Variants in CENPE observed in about 807,000 individuals in gnomAD.
The protein encoded by CENPE is centromere-associated protein E.
Under a neutral mutation model 336.1 loss-of-function variants are expected in CENPE, and 145 were observed. The observed-to-expected ratio is 0.43, with a 90% CI of 0.38 to 0.50. CENPE has a LOEUF of 0.50. CENPE is among the 20% of genes least tolerant of loss of function. The pLI is 0.00. For synonymous variants in CENPE, 1,013 were observed against 984.8 expected (o/e 1.03, Z -0.54); for missense variants, 2,719 against 3,023.3 (o/e 0.90, Z 2.36).
At chr4:103,108,685 CATT>C in intron 48 of CENPE, 115 bp downstream of exon 48, 1 of 937,370 alleles carries the variant, frequency 1.1e-6, no homozygotes, top group Non-Finnish European at 1.6e-6. Context: ...TGAAGCCTGT[CATT>C]GTAGCTTACT....
chr4:103,183,369 A>C (rs1756483625), intron 9 of CENPE, 81 bp from the exon 10 acceptor site: 2 of 1,076,000 alleles, frequency 1.9e-6, no homozygotes, highest in Admixed American at 4.0e-5. Context: ...AGTTAATGAG[A>C]GAAATTAGAG....
intron 38 of CENPE, 101 bp from the exon 39 acceptor site, chr4:103,138,550 G>A (rs1752271264): frequency 1.3e-6 from 1 of 766,106 alleles, no homozygotes; most frequent in Admixed American, 2.2e-5. Context: ...TTCAATAATG[G>A]AATTAAATAT....
chr4:103,114,676 G>A (rs1361992044), intron 45 of CENPE, 124 bp from the exon 46 acceptor site: 1 of 643,810 alleles, frequency 1.6e-6, no homozygotes, highest in Non-Finnish European at 2.7e-6. Context: ...AGTGGCAGTA[G>A]ATAAGCCCTC....
At chr4:103,121,930 T>G (rs1182219752) in intron 43 of CENPE, among the ~76,000 whole-genome samples, 2 of 152,120 alleles carry the variant, frequency 1.3e-5, no homozygotes, top group Non-Finnish European at 2.9e-5. Flanking sequence ...TCATACTTAA[T>G]TGGGTATATT....
In CENPE at chr4:103,116,638, T is replaced by G. The variant is rs745655266; in HGVS notation, c.7381A>C (p.Lys2461Gln). Residue 2461 changes from lysine (K) to glutamine (Q), a missense_variant, in exon 45 of 49, where the codon AAA becomes CAA. Lys to Gln is a moderately conservative substitution (Grantham distance 53). Transcript: ENST00000265148. The part of the protein sequence containing the change: ...KPYKEEIEDL[K>Q]MKLVKIDLEK... ...AGGTCTATTTTCACAAGCTTCATTT[T>G]GAGATCTTCAATTTCTTCTTTATAT... The G allele has an allele frequency of 1.1e-5, 18 of 1,596,416 alleles. No homozygotes were observed. In the Admixed American group the frequency reaches 3.0e-4, roughly 27 times the overall value.
At chr4:103,158,276 ACT>A in intron 24 of CENPE, 22 bp downstream of exon 24, 1 of 1,564,744 alleles carries the variant, frequency 6.4e-7, no homozygotes, top group Non-Finnish European at 8.6e-7. Context: ...GCATATGAAA[ACT>A]CTGAAAATAA....
Position 103,143,303 on chromosome 4 carries a change from T to A in CENPE, c.5249A>T (p.Glu1750Val), listed in dbSNP as rs546621597. Residue 1750 changes from glutamate to valine, a missense_variant, in exon 34 of 49, where the codon GAA becomes GTA. This residue lies in a region of CENPE where 2,437 missense variants were observed against 2,513.3 expected (regional missense o/e 0.97). Coordinates refer to ENST00000265148, the MANE Select transcript of CENPE (RefSeq NM_001813.3). ...TAAGTCCTTTTGCATATTTGATATT[T>A]CATTTGTTTTCTCTGAAACAATCCC... The part of the protein sequence containing the change: ...LRGIVSEKTN[E>V]ISNMQKDLEH... 6.2e-7 allele frequency: 1 copy of A among 1,607,600 alleles called. No homozygotes were observed. Among genetic ancestry groups the A allele is most frequent in the East Asian group, 2.2e-5 (1 of 44,768 alleles).
At chr4:103,136,397 C>G (rs781686343) in intron 39 of CENPE, 38 bp from the exon 40 acceptor site, 1 of 1,385,544 alleles carries the variant, frequency 7.2e-7, no homozygotes, top group Non-Finnish European at 1.0e-6. Flanking sequence ...TATAACAATT[C>G]ATTCTAATAT....
intron 45 of CENPE, among the ~76,000 whole-genome samples, chr4:103,115,631 A>G (rs959809371): frequency 6.6e-6 from 1 of 152,226 alleles, no homozygotes; most frequent in Non-Finnish European, 1.5e-5. Context: ...GAAGCATCCT[A>G]ACAAATCCTC....
chr4:103,122,854 T>C lies in CENPE; in HGVS notation c.7143+17A>G. The C allele has an allele frequency of 6.3e-7, 1 of 1,578,692 alleles. No homozygotes were observed. The highest frequency in any genetic ancestry group is 8.7e-7 in the Non-Finnish European group (1 of 1,149,458). ...TGAAGCTGCAAACTGAAGAACATTT[T>C]ATAAGAAATTATATACCTCTGTGGT... On this transcript the variant is annotated intron_variant, in intron 43 of 48. Transcript: ENST00000265148.
intron 13 of CENPE, among the ~76,000 whole-genome samples, chr4:103,180,106 A>G (rs1278603779): frequency 6.6e-6 from 1 of 152,154 alleles, no homozygotes; most frequent in Non-Finnish European, 1.5e-5. Context: ...TACATTCCAA[A>G]CTTGTTGAAT....
intron 40 of CENPE, 59 bp from the exon 41 acceptor site, chr4:103,133,951 T>C: frequency 3.7e-6 from 4 of 1,071,094 alleles, no homozygotes; most frequent in Non-Finnish European, 5.6e-6. Flanking sequence ...GTAGAGAAAG[T>C]TTTCATCCTT....
intron 24 of CENPE, among the ~76,000 whole-genome samples, chr4:103,154,642 T>C (rs1412548318): frequency 6.6e-6 from 1 of 152,116 alleles, no homozygotes; most frequent in Non-Finnish European, 1.5e-5. Flanking sequence ...TGAGACAAAA[T>C]TTTCTGTAAT....
intron 36 of CENPE, 139 bp downstream of exon 36, chr4:103,140,675 A>G (rs1752473230): frequency 5.8e-6 from 4 of 689,694 alleles, no homozygotes; most frequent in Admixed American, 7.0e-5. Context: ...GTTTTCCATT[A>G]TACAGATAGT....
intron 18 of CENPE, among the ~76,000 whole-genome samples, chr4:103,162,101 G>A (rs1754497308): frequency 6.6e-6 from 1 of 151,858 alleles, no homozygotes; most frequent in Non-Finnish European, 1.5e-5. Flanking sequence ...TGCTTGCCAC[G>A]CTATGAACAG....
chr4:103,162,774 G>A (rs1013691789), intron 18 of CENPE, among the ~76,000 whole-genome samples: 2 of 151,972 alleles, frequency 1.3e-5, no homozygotes, highest in African/African-American at 2.4e-5. Flanking sequence ...GCCCAGGCTG[G>A]TCTTGAACTC....
Position 103,190,464 on chromosome 4 carries a change from AAC to A in CENPE, c.693+3763_693+3764del, listed in dbSNP as rs555541167. On this transcript the variant is annotated intron_variant, in intron 8 of 48. Transcript: ENST00000265148. ...ACAGAGATATAGACCAATGGAAAGG[AAC>A]AGAGCCCTCAGAAATAATGCCACAT... Among the ~76,000 whole-genome samples, 135 of 152,312 alleles carry A rather than the reference AAC, an allele frequency of 8.9e-4. 1 individual carries two copies. The highest frequency in any genetic ancestry group is 3.1e-3 in the African/African-American group (129 of 41,566).
chr4:103,152,707 C>A (rs7684528), intron 25 of CENPE, among the ~76,000 whole-genome samples: 2 of 152,090 alleles, frequency 1.3e-5, no homozygotes, highest in African/African-American at 4.8e-5. Flanking sequence ...TGTAGAAAGT[C>A]AAACATAAGA....
Position 103,132,752 on chromosome 4 carries a change from T to G in CENPE, c.6865A>C (p.Ile2289Leu), listed in dbSNP as rs1423345331. 5 of 1,574,176 alleles carry G rather than the reference T, an allele frequency of 3.2e-6. No individual in the cohort carries two copies. In the African/African-American group the frequency reaches 6.8e-5, roughly 21 times the overall value. The stretch of plus-strand genomic sequence containing the variant: ...CAAATCCTATCATTTTCTTTCTGGA[T>G]GCCATTTTTAAGCTTTTCTATATCA... The part of the protein sequence containing the change: ...RFDIEKLKNG[I>L]QKENDRICQV... The change falls in exon 42 of 49, where the codon ATC (isoleucine) becomes CTC (leucine). Residue 2289 changes from isoleucine to leucine, a missense_variant. Ile to Leu is a conservative substitution (Grantham distance 5). Coordinates refer to ENST00000265148, the MANE Select transcript of CENPE (RefSeq NM_001813.3).
Sources: allele counts gnomAD v4.1 joint callset (sites outside exome capture counted in the v4.1 genomes callset), GRCh38; gene constraint gnomAD v4.1.1; regional missense constraint gnomAD v4.1.1; transcripts MANE v1.5; gene names NCBI Gene and HGNC (gene_info 2026-07-23, HGNC 2026-07-21).